USP12: variants seen among roughly 807,000 people sequenced by gnomAD.
The protein encoded by USP12 is ubiquitin specific peptidase 12.
In USP12, 19 loss-of-function variants were observed where a neutral mutation model predicts 45.5. The ratio of observed to expected loss-of-function variants is 0.42; its 90% CI spans 0.29 to 0.61. The LOEUF (loss-of-function observed/expected upper bound fraction) is 0.61, where lower values mean the gene tolerates loss of function less well. Ranked by LOEUF, USP12 falls within the 20% of genes least tolerant of loss-of-function variation. The pLI is 0.22. For missense variants in USP12, 242 were observed against 447.7 expected, an observed-to-expected ratio of 0.54 and a Z score of 4.15; for synonymous variants, 149 against 148.8, an observed-to-expected ratio of 1.00 and a Z score of -0.01.
chr13:27,078,019 AT>A (rs1217320066), intron 6 of USP12: 1 of 150,632 alleles, frequency 6.6e-6, no homozygotes, highest in Admixed American at 6.6e-5. Flanking sequence ...ATAAACACTG[AT>A]TTTTAAAAAA....
At chr13:27,111,026 G>C (rs1032294906) in intron 2 of USP12, among the ~76,000 whole-genome samples, 1 of 152,180 alleles carries the variant, frequency 6.6e-6, no homozygotes, top group African/African-American at 2.4e-5. Context: ...TCTCTATTTT[G>C]TAGACTACTG....
At chr13:27,120,914 A>G (rs1479897354) in intron 1 of USP12, among the ~76,000 whole-genome samples, 1 of 152,226 alleles carries the variant, frequency 6.6e-6, no homozygotes, top group Non-Finnish European at 1.5e-5. Context: ...ATCAAAAAAC[A>G]AAAGTGATGG....
chr13:27,080,791 T>C (rs1206904306), intron 6 of USP12, among the ~76,000 whole-genome samples: 2 of 152,160 alleles, frequency 1.3e-5, no homozygotes, highest in Non-Finnish European at 2.9e-5. Context: ...CCAGTGCATA[T>C]AAAGGTTATG....
intron 1 of USP12, among the ~76,000 whole-genome samples, chr13:27,124,863 A>G (rs77527164): frequency 0.055 from 8,323 of 152,346 alleles, 263 homozygotes; most frequent in Admixed American, 0.087. Context: ...CCATGTGCCC[A>G]GAAACTGAAT....
intron 2 of USP12, among the ~76,000 whole-genome samples, chr13:27,111,305 A>G (rs904769168): frequency 6.6e-6 from 1 of 152,180 alleles, no homozygotes; most frequent in Non-Finnish European, 1.5e-5. Context: ...AGACCTAAAA[A>G]TTATCTTTCA....
rs566012395 is a variant in USP12 at position 27,165,992 on chromosome 13, AACT to A, written c.48+5597_48+5599del. Among the ~76,000 whole-genome samples, 254 of 152,266 alleles carry A rather than the reference AACT, an allele frequency of 1.7e-3. 1 individual carries two copies. The highest frequency in any genetic ancestry group is 6.0e-3 in the African/African-American group (248 of 41,574). On this transcript the variant is annotated intron_variant, in intron 1 of 8. Coordinates refer to ENST00000282344, the MANE Select transcript of USP12 (RefSeq NM_182488.4). ...AAAATGATACCAATAATCATTTATA[AACT>A]ACTAAAGGATCAGAATTTTAGACCT...
intron 4 of USP12, among the ~76,000 whole-genome samples, chr13:27,091,059 C>T (rs1199317061): frequency 6.6e-6 from 1 of 152,124 alleles, no homozygotes; most frequent in East Asian, 1.9e-4. Flanking sequence ...CTGTAAGATG[C>T]CATTCCACTG....
At chr13:27,147,692 G>C (rs1220588481) in intron 1 of USP12, among the ~76,000 whole-genome samples, 2 of 152,060 alleles carry the variant, frequency 1.3e-5, no homozygotes, top group Admixed American at 1.3e-4. Context: ...GAGACGAAAG[G>C]CTGACTTCTA....
Position 27,100,105 on chromosome 13 carries a change from C to T in USP12, c.344-4275G>A, listed in dbSNP as rs111774611. On this transcript the variant is annotated intron_variant, in intron 3 of 8. Coordinates refer to ENST00000282344, the MANE Select transcript of USP12 (RefSeq NM_182488.4). ...GCAGTCCACTCCATCCCTCCGAGGC[C>T]GGGCCAAGTCATGCATAGAACCTTG... Among the ~76,000 whole-genome samples the T allele has an allele frequency of 2.2e-3, 341 of 152,280 alleles. 1 individual carries two copies. Among genetic ancestry groups the T allele is most frequent in the Non-Finnish European group, 3.3e-3 (222 of 68,032 alleles).
intron 1 of USP12, among the ~76,000 whole-genome samples, chr13:27,155,227 G>A (rs892026003): frequency 1.8e-4 from 27 of 151,530 alleles, no homozygotes; most frequent in African/African-American, 2.9e-4. Flanking sequence ...GACTACAGGC[G>A]CGTGCCACCA....
At chr13:27,115,502 C>T (rs1243605614) in intron 2 of USP12, among the ~76,000 whole-genome samples, 3 of 152,086 alleles carry the variant, frequency 2.0e-5, no homozygotes, top group African/African-American at 7.2e-5. Flanking sequence ...CCAATCTGTT[C>T]AATATAACTT....
At chr13:27,095,321 A>G (rs1485834388) in intron 4 of USP12, among the ~76,000 whole-genome samples, 1 of 152,244 alleles carries the variant, frequency 6.6e-6, no homozygotes, top group African/African-American at 2.4e-5. Context: ...GTCATAAGAC[A>G]TAATTTCCAC....
Position 27,141,162 on chromosome 13 carries a change from C to T in USP12, c.49-24566G>A, listed in dbSNP as rs138857958. Among the ~76,000 whole-genome samples the T allele has an allele frequency of 1.5e-3, 223 of 151,928 alleles. 2 individuals carry two copies. The East Asian group carries it at 0.027, about 19-fold the overall frequency. ...TCCCGAGTAGCTGGGACTACAGGTG[C>T]GCACCATCATGCCTGGCTAATTTTT... On this transcript the variant is annotated intron_variant, in intron 1 of 8. Transcript: ENST00000282344.
chr13:27,153,383 T>C (rs77912463), intron 1 of USP12, among the ~76,000 whole-genome samples: 2,420 of 152,366 alleles, frequency 0.016, 28 homozygotes, highest in Middle Eastern at 0.034. Flanking sequence ...TTTTGTTTTT[T>C]AGATAAAACA....
intron 6 of USP12, 67 bp downstream of exon 6, chr13:27,089,816 A>G: frequency 6.7e-7 from 1 of 1,496,222 alleles, no homozygotes; most frequent in Non-Finnish European, 9.1e-7. Context: ...TTGTTTTTCT[A>G]AGCCCACCTC....
chr13:27,133,852 C>T (rs914799095), intron 1 of USP12, among the ~76,000 whole-genome samples: 2 of 152,202 alleles, frequency 1.3e-5, no homozygotes, highest in Admixed American at 6.5e-5. Context: ...ATATTTGGGG[C>T]TGGGAGTGGT....
At chr13:27,164,871 G>A (rs942056739) in intron 1 of USP12, among the ~76,000 whole-genome samples, 2 of 152,100 alleles carry the variant, frequency 1.3e-5, no homozygotes, top group Non-Finnish European at 2.9e-5. Context: ...AGAGCAAGGT[G>A]GGTAAGTTCA....
chr13:27,103,605 A>AT (rs1420031226), intron 3 of USP12, among the ~76,000 whole-genome samples: 1,614 of 69,586 alleles, frequency 0.023, 8 homozygotes, highest in East Asian at 0.094. Context: ...TATCAAAAAA[A>AT]AAAATAATAA....
intron 1 of USP12, among the ~76,000 whole-genome samples, chr13:27,144,514 A>T (rs1312483313): frequency 6.6e-6 from 1 of 151,748 alleles, no homozygotes; most frequent in African/African-American, 2.4e-5. Context: ...AAAAAAAAAA[A>T]AAAAAAGGTG....
Sources: gnomAD v4.1 joint callset for allele counts (sites outside exome capture counted in the v4.1 genomes callset) on GRCh38, gnomAD v4.1.1 for gene constraint, MANE v1.5 for transcripts, NCBI Gene and HGNC (gene_info 2026-07-23, HGNC 2026-07-21) for gene names.